The following ALK variants were observed in gnomAD, a reference collection of about 807,000 sequenced individuals.
The protein encoded by ALK is ALK tyrosine kinase receptor.
A neutral mutation model predicts 163.1 loss-of-function variants in ALK; 74 were observed. That is an observed-to-expected ratio of 0.45 (90% CI 0.38 to 0.55). ALK has a LOEUF of 0.55. Among genes scored for constraint, ALK ranks in the 20% least tolerant of loss-of-function variants. The pLI is 0.00. For synonymous variants in ALK, 960 were observed against 843.2 expected (o/e 1.14, Z -2.40); for missense variants, 2,063 against 2,105.3 (o/e 0.98, Z 0.39).
chr2:29,829,282 T>C (rs1452823453), intron 1 of ALK, among the ~76,000 whole-genome samples: 2 of 150,300 alleles, frequency 1.3e-5, no homozygotes, highest in East Asian at 4.0e-4. Context: ...CTGCACGTTG[T>C]GCTCATGTAC....
chr2:29,668,431 A>G (rs1189124242), intron 3 of ALK, among the ~76,000 whole-genome samples: 2 of 151,986 alleles, frequency 1.3e-5, no homozygotes, highest in Non-Finnish European at 1.5e-5. Context: ...GTCATATCCC[A>G]TAGATTTTGG....
intron 1 of ALK, among the ~76,000 whole-genome samples, chr2:29,772,343 A>G (rs1251622797): frequency 6.6e-6 from 1 of 152,266 alleles, no homozygotes; most frequent in Non-Finnish European, 1.5e-5. Flanking sequence ...TCATGAAAGG[A>G]AAAATAAAGG....
At chr2:29,595,451 A>G (rs192168186) in intron 3 of ALK, among the ~76,000 whole-genome samples, 4 of 151,624 alleles carry the variant, frequency 2.6e-5, no homozygotes, top group Non-Finnish European at 4.4e-5. Flanking sequence ...CTCCCGAGTA[A>G]CTGGGACTAC....
At chr2:29,823,583 A>T (rs1430598638) in intron 1 of ALK, among the ~76,000 whole-genome samples, 1 of 152,170 alleles carries the variant, frequency 6.6e-6, no homozygotes, top group African/African-American at 2.4e-5. Context: ...AACTGCAGCA[A>T]AGGTGACTCT....
At chr2:29,305,886 C>A (rs112932484) in intron 8 of ALK, among the ~76,000 whole-genome samples, 15 of 152,152 alleles carry the variant, frequency 9.9e-5, no homozygotes, top group African/African-American at 2.9e-4. Context: ...TACAACTCAC[C>A]ATAATGTCAG....
chr2:29,739,479 G>C (rs1284038965), intron 1 of ALK, among the ~76,000 whole-genome samples: 2 of 150,794 alleles, frequency 1.3e-5, no homozygotes, highest in African/African-American at 2.5e-5. Flanking sequence ...AATTGCTTGA[G>C]CCCGGGAGGC....
intron 4 of ALK, among the ~76,000 whole-genome samples, chr2:29,414,877 G>A (rs1455202960): frequency 7.2e-5 from 11 of 151,872 alleles, no homozygotes; most frequent in Admixed American, 7.2e-4. Context: ...CTATAATTGG[G>A]ATCCTCAAAC....
intron 3 of ALK, among the ~76,000 whole-genome samples, chr2:29,640,827 T>C (rs1038040058): frequency 2.0e-5 from 3 of 151,964 alleles, no homozygotes; most frequent in Admixed American, 6.6e-5. Flanking sequence ...ATGGAAGGGG[T>C]CCATATGGGG....
intron 1 of ALK, among the ~76,000 whole-genome samples, chr2:29,788,210 C>T (rs921005949): frequency 6.6e-6 from 1 of 152,202 alleles, no homozygotes; most frequent in Non-Finnish European, 1.5e-5. Flanking sequence ...AGTGATAACT[C>T]GCTGAGTGCT....
chr2:29,721,475 C>G (rs1304504254), intron 1 of ALK, among the ~76,000 whole-genome samples: 1 of 152,196 alleles, frequency 6.6e-6, no homozygotes, highest in Non-Finnish European at 1.5e-5. Flanking sequence ...TCAGTTCACT[C>G]TCTCTCTTTC....
chr2:29,377,786 A>G (rs1272235119), intron 5 of ALK, among the ~76,000 whole-genome samples: 2 of 152,374 alleles, frequency 1.3e-5, no homozygotes, highest in Admixed American at 1.3e-4. Context: ...CAAGGTATCC[A>G]TAATAATGGG....
In ALK at chr2:29,527,175, G is replaced by A. The variant is rs558515642; in HGVS notation, c.1154+4740C>T. The stretch of plus-strand genomic sequence containing the variant: ...GTCCATAACCATGCTGCAAATTAGC[G>A]GTGGAATCAGGATTGAAACCATACC... On this transcript the variant is annotated intron_variant, in intron 4 of 28. Transcript: ENST00000389048. Among the ~76,000 whole-genome samples, 119 of 152,280 alleles carry A rather than the reference G, an allele frequency of 7.8e-4. 1 individual carries two copies. The highest frequency in any genetic ancestry group is 2.5e-3 in the African/African-American group (103 of 41,564).
intron 6 of ALK, among the ~76,000 whole-genome samples, chr2:29,321,630 G>T (rs1049811749): frequency 6.6e-6 from 1 of 152,142 alleles, no homozygotes; most frequent in African/African-American, 2.4e-5. Context: ...TGTTCCTAAG[G>T]GTGACACTAT....
intron 3 of ALK, among the ~76,000 whole-genome samples, chr2:29,541,184 T>G (rs1037605503): frequency 6.6e-6 from 1 of 152,176 alleles, no homozygotes; most frequent in Non-Finnish European, 1.5e-5. Flanking sequence ...TAAAGAGAGA[T>G]GGGATGGTAT....
At chr2:29,636,817 G>A (rs1385965187) in intron 3 of ALK, among the ~76,000 whole-genome samples, 2 of 152,166 alleles carry the variant, frequency 1.3e-5, no homozygotes, top group East Asian at 3.8e-4. Flanking sequence ...AGGATAAACA[G>A]CTGGAAAATA....
chr2:29,775,113 T>C (rs1232940391), intron 1 of ALK, among the ~76,000 whole-genome samples: 1 of 152,174 alleles, frequency 6.6e-6, no homozygotes, highest in Non-Finnish European at 1.5e-5. Flanking sequence ...ATTTTAATCA[T>C]TGAAAGTGTC....
chr2:29,847,643 A>G (rs2148398633), intron 1 of ALK, among the ~76,000 whole-genome samples: 1 of 152,308 alleles, frequency 6.6e-6, no homozygotes, highest in South Asian at 2.1e-4. Flanking sequence ...AGAGCCCTAG[A>G]TTGAAAAAAG....
chr2:29,734,791 T>C (rs1055221377), intron 1 of ALK, among the ~76,000 whole-genome samples: 1 of 152,046 alleles, frequency 6.6e-6, no homozygotes, highest in African/African-American at 2.4e-5. Context: ...TTAGAAAATA[T>C]TTAAAATCAC....
At chr2:29,599,645 T>C (rs150996021) in intron 3 of ALK, among the ~76,000 whole-genome samples, 21 of 152,290 alleles carry the variant, frequency 1.4e-4, no homozygotes, top group African/African-American at 4.3e-4. Flanking sequence ...TTCTTGAAGA[T>C]AGAAAATTGA....
Sources: gnomAD v4.1 joint callset for allele counts (sites outside exome capture counted in the v4.1 genomes callset) on GRCh38, gnomAD v4.1.1 for gene constraint, MANE v1.5 for transcripts, NCBI Gene and HGNC (gene_info 2026-07-23, HGNC 2026-07-21) for gene names.